Variants in BMP7 observed in about 807,000 individuals in gnomAD.
BMP7 encodes the protein bone morphogenetic protein 7, also known as osteogenic protein 1.
A neutral mutation model predicts 41.2 loss-of-function variants in BMP7; 12 were observed. The observed-to-expected ratio is 0.29, with a 90% confidence interval of 0.19 to 0.47. BMP7 has a LOEUF of 0.47. BMP7 is among the 20% of genes least tolerant of loss of function. The probability of loss-of-function intolerance (pLI) is 0.99; values close to 1 mark genes in which losing one functional copy is unlikely to be tolerated. For missense variants in BMP7, 467 were observed against 606.0 expected, an observed-to-expected ratio of 0.77 and a Z score of 2.41; for synonymous variants, 248 against 250.0, an observed-to-expected ratio of 0.99 and a Z score of 0.07.
In BMP7 at chr20:57,259,601, G is replaced by A. The variant is rs7269453; in HGVS notation, c.418+6104C>T. On this transcript the variant is annotated intron_variant, in intron 1 of 6. Coordinates refer to ENST00000395863, the MANE Select transcript of BMP7 (RefSeq NM_001719.3). The surrounding 1 kb of genome is among the most constrained non-coding windows in gnomAD (Gnocchi z 4.7). ...CAATTACCCTAAAGCTGGTGCTCTC[G>A]GAGTTGTCATTAATTCAATCCACTC... is the stretch of plus-strand genomic sequence containing the variant. Among the ~76,000 whole-genome samples the A allele has an allele frequency of 0.017, 2,568 of 152,270 alleles. 60 individuals carry two copies. Among genetic ancestry groups the A allele is most frequent in the African/African-American group, 0.06 (2,478 of 41,536 alleles).
chr20:57,255,799 C>CTA (rs2066131715), intron 1 of BMP7, among the ~76,000 whole-genome samples: 1 of 48,624 alleles, frequency 2.1e-5, no homozygotes, highest in Non-Finnish European at 3.4e-5. Flanking sequence ...GACTCCATCT[C>CTA]AAAAAAAAAA....
intron 5 of BMP7, chr20:57,173,523 G>T: frequency 1.6e-6 from 1 of 631,726 alleles, no homozygotes; most frequent in Admixed American, 2.5e-5. Context: ...CCACTCTATA[G>T]TCTTGGCCTA....
chr20:57,228,553 A>G lies in BMP7; in HGVS notation c.419-132T>C. 2 of 1,076,054 alleles carry G rather than the reference A, an allele frequency of 1.9e-6. No individual in the cohort carries two copies. The highest frequency in any genetic ancestry group is 2.8e-6 in the Non-Finnish European group (2 of 707,588). The allele number at this position is 1,076,054 out of a possible 1,614,324, so 66.7% of individuals were successfully genotyped here. On this transcript the variant is annotated intron_variant, in intron 1 of 6. Coordinates refer to ENST00000395863, the MANE Select transcript of BMP7 (RefSeq NM_001719.3). The surrounding 1 kb of genome is among the most constrained non-coding windows in gnomAD (Gnocchi z 4.5). ...CCCATTGCCAGTGACCCCAGTGACAACTGCTCCTTCCTCACCAACACACTG... is the reference window on the plus strand; with the variant it reads ...CCCATTGCCAGTGACCCCAGTGACAGCTGCTCCTTCCTCACCAACACACTG...
intron 2 of BMP7, among the ~76,000 whole-genome samples, chr20:57,206,808 T>C (rs923047897): frequency 6.6e-6 from 1 of 152,230 alleles, no homozygotes; most frequent in African/African-American, 2.4e-5. Flanking sequence ...TTGGTGTCTA[T>C]TCTCTGCTAA....
Position 57,191,319 on chromosome 20 carries a change from TG to T in BMP7, c.761-7401del, listed in dbSNP as rs113696728. ...CCAGAGGCAAGACAGGCGCAGGCTC[TG>T]GTGGGGCCAACAGAAGGAAAGTTCC... On this transcript the variant is annotated intron_variant, in intron 3 of 6. Transcript: ENST00000395863. Among the ~76,000 whole-genome samples the T allele has an allele frequency of 9.6e-3, 1,460 of 152,238 alleles. 20 individuals are homozygous for T. Among genetic ancestry groups the T allele is most frequent in the African/African-American group, 0.034 (1,399 of 41,536 alleles).
At chr20:57,242,661 C>T (rs552717743) in intron 1 of BMP7, among the ~76,000 whole-genome samples, 27 of 152,246 alleles carry the variant, frequency 1.8e-4, no homozygotes, top group African/African-American at 6.3e-4. Flanking sequence ...ATGTGGCTTC[C>T]GTGACTGAGA....
intron 2 of BMP7, among the ~76,000 whole-genome samples, chr20:57,219,584 C>A (rs931540509): frequency 1.3e-5 from 2 of 152,136 alleles, no homozygotes; most frequent in African/African-American, 4.8e-5. Flanking sequence ...TGGCCCTTAA[C>A]CCCAGAGAAT....
At chr20:57,223,121 T>C (rs1042688612) in intron 2 of BMP7, among the ~76,000 whole-genome samples, 1 of 151,856 alleles carries the variant, frequency 6.6e-6, no homozygotes, top group African/African-American at 2.4e-5. Flanking sequence ...TCCCAGCTAC[T>C]TGGGAGGCTG....
At chr20:57,173,550 G>C (rs1419311502) in intron 5 of BMP7, 1 of 597,914 alleles carries the variant, frequency 1.7e-6, no homozygotes, top group African/African-American at 1.9e-5. Context: ...AAGCTTAGTA[G>C]ACTGAGTGGG....
At chr20:57,191,864 A>G (rs1984366807) in intron 3 of BMP7, among the ~76,000 whole-genome samples, 2 of 138,830 alleles carry the variant, frequency 1.4e-5, no homozygotes, top group African/African-American at 5.4e-5. Flanking sequence ...TAAAATATAC[A>G]TATACTATAT....
intron 3 of BMP7, among the ~76,000 whole-genome samples, chr20:57,189,484 C>G (rs903952895): frequency 1.3e-5 from 2 of 152,272 alleles, no homozygotes; most frequent in Non-Finnish European, 2.9e-5. Context: ...TTCACCCACA[C>G]CTGTGAGGCT....
intron 6 of BMP7, 112 bp downstream of exon 6, chr20:57,173,088 C>T (rs761916514): frequency 1.7e-6 from 2 of 1,154,596 alleles, no homozygotes; most frequent in Admixed American, 1.9e-5. Context: ...AAAGTCATGA[C>T]ATGGCAATGG....
At chr20:57,190,250 C>T (rs1258591632) in intron 3 of BMP7, among the ~76,000 whole-genome samples, 26 of 147,430 alleles carry the variant, frequency 1.8e-4, no homozygotes, top group Non-Finnish European at 1.5e-5. Flanking sequence ...GACCGAGGAA[C>T]CAGAGGAGGT....
chr20:57,183,763 G>A lies in BMP7; in HGVS notation c.917C>T (p.Thr306Met), dbSNP rs202153108. ...CCGCAGGGCTTCCTGGTTCTTGGGC[G>A]TCTTGGAGCGGTTCTGGCTGCGCTG... ...SKQRSQNRSK[T>M]PKNQEALRMA... is the part of the protein sequence containing the mutation. The change falls in exon 4 of 7, where the codon ACG becomes ATG. Residue 306 changes from threonine (T) to methionine (M), a missense_variant. Coordinates refer to ENST00000395863, the MANE Select transcript of BMP7 (RefSeq NM_001719.3). 31 of 1,614,036 alleles carry A rather than the reference G, an allele frequency of 1.9e-5. No homozygotes were observed. The highest frequency in any genetic ancestry group is 1.6e-4 in the Middle Eastern group (1 of 6,082).
At position 57,214,691 on chromosome 20, in the gene BMP7, A is replaced by C. The variant is rs1483580063; in HGVS notation, c.612-12068T>G. On this transcript the variant is annotated intron_variant, in intron 2 of 6. Transcript: ENST00000395863. This position sits in a 1 kb window ranked among gnomAD's most constrained non-coding sequence, Gnocchi z 4.0. Reference sequence around the variant, plus strand: ...CCAGGGAAGCGTCCACTGATGCCCTAATGGTGCATCCACGTCGGACACGCT... The same window carrying C: ...CCAGGGAAGCGTCCACTGATGCCCTCATGGTGCATCCACGTCGGACACGCT... Among the ~76,000 whole-genome samples the C allele has an allele frequency of 6.6e-6, 1 of 152,166 alleles. No homozygotes were observed.
At chr20:57,176,941 G>A (rs1310091095) in intron 4 of BMP7, among the ~76,000 whole-genome samples, 1 of 152,140 alleles carries the variant, frequency 6.6e-6, no homozygotes, top group Non-Finnish European at 1.5e-5. Context: ...ATGAGAAATG[G>A]TAAGATAAGA....
intron 3 of BMP7, among the ~76,000 whole-genome samples, chr20:57,190,113 G>C (rs540884199): frequency 1.2e-3 from 181 of 152,198 alleles, no homozygotes; most frequent in Middle Eastern, 3.4e-3. Context: ...GAACCAGAGA[G>C]GTTGAGACTG....
chr20:57,209,249 T>TTATATA (rs57062226), intron 2 of BMP7, among the ~76,000 whole-genome samples: 2,816 of 94,530 alleles, frequency 0.03, 62 homozygotes, highest in East Asian at 0.047. Context: ...TTATATATTT[T>TTATATA]TATATATATA....
chr20:57,236,620 G>A (rs1459772545), intron 1 of BMP7, among the ~76,000 whole-genome samples: 2 of 152,164 alleles, frequency 1.3e-5, no homozygotes, highest in East Asian at 3.9e-4. Flanking sequence ...AGGACCAGAG[G>A]ACTGGCAGGG....
Sources: allele counts gnomAD v4.1 joint callset (sites outside exome capture counted in the v4.1 genomes callset), GRCh38; gene constraint gnomAD v4.1.1; non-coding constraint Gnocchi (gnomAD v3.1); transcripts MANE v1.5; gene names NCBI Gene and HGNC (gene_info 2026-07-23, HGNC 2026-07-21).